Variants in ICA1L observed in about 807,000 individuals in gnomAD.
ICA1L encodes islet cell autoantigen 1 like.
ICA1L carries 50 observed loss-of-function variants against 61.3 expected under a neutral mutation model. The observed-to-expected ratio is 0.82, with a 90% CI of 0.65 to 1.03. ICA1L has a LOEUF of 1.03. ICA1L is among the 50% of genes least tolerant of loss of function. The pLI is 0.00. For missense variants in ICA1L, 508 were observed against 556.7 expected, an observed-to-expected ratio of 0.91 and a Z score of 0.88; for synonymous variants, 161 against 191.3, an observed-to-expected ratio of 0.84 and a Z score of 1.31.
chr2:202,860,194 C>G (rs1694873111), intron 1 of ICA1L: 1 of 151,286 alleles, frequency 6.6e-6, no homozygotes. Flanking sequence ...ATTGCTTGAG[C>G]CCAGGAGTTC....
At chr2:202,810,491 C>T (rs373333903) in intron 9 of ICA1L, among the ~76,000 whole-genome samples, 2 of 152,258 alleles carry the variant, frequency 1.3e-5, no homozygotes, top group East Asian at 1.9e-4. Flanking sequence ...CTCTTAGTCC[C>T]GTCATCTTCG....
At chr2:202,862,989 ATACC>A (rs1694962427) in intron 1 of ICA1L, among the ~76,000 whole-genome samples, 1 of 151,552 alleles carries the variant, frequency 6.6e-6, no homozygotes, top group African/African-American at 2.4e-5. Context: ...ACAGCTTTAA[ATACC>A]TACATTAGAA....
chr2:202,795,739 C>T (rs899734774), intron 10 of ICA1L, among the ~76,000 whole-genome samples: 1 of 151,970 alleles, frequency 6.6e-6, no homozygotes, highest in African/African-American at 2.4e-5. Flanking sequence ...ACAAAGATGG[C>T]ATTTTAAAAA....
chr2:202,836,936 G>A (rs1038324471), intron 1 of ICA1L, among the ~76,000 whole-genome samples: 1 of 152,024 alleles, frequency 6.6e-6, no homozygotes, highest in Non-Finnish European at 1.5e-5. Flanking sequence ...CCACCTCCCG[G>A]GTTCAAGCAA....
intron 1 of ICA1L, among the ~76,000 whole-genome samples, chr2:202,857,889 C>G (rs1301818232): frequency 6.6e-6 from 1 of 152,098 alleles, no homozygotes; most frequent in East Asian, 1.9e-4. Context: ...TCACTGGTCA[C>G]TAGAGAAATG....
chr2:202,825,167 C>A (rs771308993), intron 3 of ICA1L, among the ~76,000 whole-genome samples: 5 of 152,142 alleles, frequency 3.3e-5, no homozygotes, highest in Non-Finnish European at 5.9e-5. Flanking sequence ...GGAAACAAAT[C>A]CATTTCAGAT....
chr2:202,828,521 A>C (rs1680283567), intron 2 of ICA1L, among the ~76,000 whole-genome samples: 1 of 152,210 alleles, frequency 6.6e-6, no homozygotes, highest in Non-Finnish European at 1.5e-5. Context: ...AAGTACTACA[A>C]AATAGTATGA....
rs1692237208 is a variant in ICA1L, at chr2:202,776,820, C to A, written c.*2713G>T. ...AAACTAGTAACAGAATAATAAAAGT[C>A]CCTTGTATGTCTCCATTTCGGGAGA... On this transcript the variant is annotated 3_prime_UTR_variant, in exon 13 of 13. Transcript: ENST00000358299. The A allele has an allele frequency of 6.6e-6, 1 of 152,032 alleles. No individual in the cohort carries two copies. The highest frequency in any genetic ancestry group is 2.1e-4 in the South Asian group (1 of 4,822). 9.4% of individuals were successfully genotyped at this position (152,032 alleles called of 1,614,324 possible).
intron 11 of ICA1L, 41 bp downstream of exon 11, chr2:202,788,789 A>G (rs1692663508): frequency 6.2e-7 from 1 of 1,605,788 alleles, no homozygotes; most frequent in Non-Finnish European, 8.5e-7. Context: ...TCACAAAGAT[A>G]AAGTAAAGCA....
intron 9 of ICA1L, among the ~76,000 whole-genome samples, chr2:202,798,704 A>AT (rs542876073): frequency 0.032 from 1,477 of 46,296 alleles, 28 homozygotes; most frequent in South Asian, 0.17. Context: ...CTGCTATCAA[A>AT]CTTGATACAT....
At position 202,775,365 on chromosome 2, in the gene ICA1L, A is replaced by G. The variant is rs567394981; in HGVS notation, c.*4168T>C. ...TCCTGCCTTCAATAAGTCAGGTTAC[A>G]TACTATGGCTTATATTTAATTGTTT... is the stretch of plus-strand genomic sequence containing the variant. On this transcript the variant is annotated 3_prime_UTR_variant, in exon 13 of 13. Coordinates refer to ENST00000358299, the MANE Select transcript of ICA1L (RefSeq NM_001288622.3). The G allele has an allele frequency of 6.6e-6, 1 of 152,320 alleles. No homozygotes were observed. The highest frequency in any genetic ancestry group is 2.1e-4 in the South Asian group (1 of 4,834). 9.4% of individuals were successfully genotyped at this position (152,320 alleles called of 1,614,324 possible).
At chr2:202,797,084 A>T (rs1314497298) in intron 9 of ICA1L, 120 bp from the exon 10 acceptor site, 1 of 577,970 alleles carries the variant, frequency 1.7e-6, no homozygotes, top group African/African-American at 1.9e-5. Context: ...GAAAACATAC[A>T]AAAGGGAAAC....
chr2:202,811,679 A>AAG, intron 9 of ICA1L, 67 bp downstream of exon 9: 2 of 979,602 alleles, frequency 2.0e-6, no homozygotes, highest in African/African-American at 1.7e-5. Context: ...AAAAAAAAAA[A>AAG]GGCTGTGATA....
chr2:202,847,840 T>A (rs945476430), intron 1 of ICA1L, among the ~76,000 whole-genome samples: 1 of 151,720 alleles, frequency 6.6e-6, no homozygotes, highest in Non-Finnish European at 1.5e-5. Context: ...TAGATACACA[T>A]CAACAGTGGG....
intron 1 of ICA1L, among the ~76,000 whole-genome samples, chr2:202,830,081 A>G (rs139330334): frequency 7.5e-4 from 114 of 152,358 alleles, no homozygotes; most frequent in Middle Eastern, 3.4e-3. Context: ...ACAGATGGAC[A>G]TTGTAAACTG....
rs1692660440 is a variant in ICA1L at position 202,788,689 on chromosome 2, G to A, written c.1243+141C>T. On this transcript the variant is annotated intron_variant, in intron 11 of 12. Transcript: ENST00000358299. ...TGAGGTGACTAATATTTTTCCAGTT[G>A]ATTGGTGGACTGCAGATTTTATCTA... is the stretch of plus-strand genomic sequence containing the variant. 1.5e-5 allele frequency: 12 copies of A among 820,252 alleles called. No homozygotes were observed. In the South Asian group the frequency reaches 1.8e-4, roughly 13 times the overall value. 50.8% of individuals were successfully genotyped at this position (820,252 alleles called of 1,614,324 possible). A position where few individuals can be genotyped will look rare whatever the true frequency, so the allele number is the denominator to read the frequency against.
intron 12 of ICA1L, among the ~76,000 whole-genome samples, chr2:202,781,812 A>T (rs757995801): frequency 1.3e-5 from 2 of 152,194 alleles, no homozygotes; most frequent in Admixed American, 6.5e-5. Flanking sequence ...GGGCATATGT[A>T]TGTTAAATTT....
chr2:202,800,725 A>G (rs1371296732), intron 9 of ICA1L, among the ~76,000 whole-genome samples: 1 of 152,224 alleles, frequency 6.6e-6, no homozygotes, highest in Non-Finnish European at 1.5e-5. Context: ...AATACATCTA[A>G]GGACAAAGTA....
At chr2:202,814,101 GA>G (rs768592953) in intron 8 of ICA1L, among the ~76,000 whole-genome samples, 1 of 152,064 alleles carries the variant, frequency 6.6e-6, no homozygotes, top group African/African-American at 2.4e-5. Flanking sequence ...GGAAAAAATG[GA>G]AAAATATATA....
Sources: gnomAD v4.1 joint callset for allele counts (sites outside exome capture counted in the v4.1 genomes callset) on GRCh38, gnomAD v4.1.1 for gene constraint, MANE v1.5 for transcripts, NCBI Gene and HGNC (gene_info 2026-07-23, HGNC 2026-07-21) for gene names.